Variants in TBC1D32 observed in about 807,000 individuals in gnomAD.
TBC1D32 encodes the protein protein broad-minded.
Under a neutral mutation model 170.3 loss-of-function variants are expected in TBC1D32, and 151 were observed. The ratio of observed to expected loss-of-function variants is 0.89; its 90% CI spans 0.78 to 1.01. The LOEUF (loss-of-function observed/expected upper bound fraction) is 1.01, where lower values mean the gene tolerates loss of function less well. TBC1D32 is among the 50% of genes least tolerant of loss of function. The pLI is 0.00. For synonymous variants in TBC1D32, 498 were observed against 488.0 expected, an observed-to-expected ratio of 1.02 and a Z score of -0.27; for missense variants, 1,464 against 1,457.1, an observed-to-expected ratio of 1.00 and a Z score of -0.08.
At chr6:121,320,229 G>A (rs1325679929) in intron 2 of TBC1D32, among the ~76,000 whole-genome samples, 1 of 142,042 alleles carries the variant, frequency 7.0e-6, no homozygotes, top group East Asian at 2.1e-4. Context: ...AAAAAAAACT[G>A]GGAAAAAAAA....
intron 22 of TBC1D32, among the ~76,000 whole-genome samples, chr6:121,196,164 C>T (rs1790709495): frequency 6.6e-6 from 1 of 152,182 alleles, no homozygotes. Flanking sequence ...TCTGTGGACA[C>T]CATTCAGCTT....
chr6:121,255,530 T>TAATTATA (rs1280529108), intron 16 of TBC1D32, 120 bp from the exon 17 acceptor site: 17 of 241,958 alleles, frequency 7.0e-5, no homozygotes, highest in Admixed American at 6.0e-5. Context: ...TTTATATTTC[T>TAATTATA]TACTGATAGC....
At chr6:121,223,118 G>A (rs142099747) in intron 21 of TBC1D32, 118 bp downstream of exon 21, 1 of 620,546 alleles carries the variant, frequency 1.6e-6, no homozygotes, top group Non-Finnish European at 2.8e-6. Flanking sequence ...AATCAAATCA[G>A]CCCTTAAATG....
intron 23 of TBC1D32, among the ~76,000 whole-genome samples, chr6:121,160,719 T>C (rs990278123): frequency 1.3e-5 from 2 of 152,212 alleles, no homozygotes; most frequent in African/African-American, 4.8e-5. Context: ...CCTACTCTAC[T>C]ACACATGCAA....
Position 121,328,606 on chromosome 6 carries a change from T to G in TBC1D32, c.155+5670A>C, listed in dbSNP as rs562613621. 2.3e-3 allele frequency among the ~76,000 whole-genome samples: 347 copies of G among 152,218 alleles called. 1 individual carries two copies. The highest frequency in any genetic ancestry group is 8.1e-3 in the African/African-American group (335 of 41,546). ...GCCTCTAGTTTTTTAAGATATAGTC[T>G]GTACAACGAATAAACAAGTTTATAA... On this transcript the variant is annotated intron_variant, in intron 1 of 31. Coordinates refer to ENST00000398212, the MANE Select transcript of TBC1D32 (RefSeq NM_152730.6).
chr6:121,216,598 G>A (rs1793855178), intron 21 of TBC1D32, among the ~76,000 whole-genome samples: 1 of 152,140 alleles, frequency 6.6e-6, no homozygotes, highest in South Asian at 2.1e-4. Context: ...CAAAATAAAT[G>A]CATTTGACAC....
chr6:121,271,988 C>T lies in TBC1D32; in HGVS notation c.1733+7133G>A, dbSNP rs1432567154. The stretch of plus-strand genomic sequence containing the variant: ...ACCATTTGATCTTTGAGAAACCTGA[C>T]AAAAACAAGAAATGGGGAAACGATT... On this transcript the variant is annotated intron_variant, in intron 15 of 31. Coordinates refer to ENST00000398212, the MANE Select transcript of TBC1D32 (RefSeq NM_152730.6). Among the ~76,000 whole-genome samples, 3 of 152,136 alleles carry T rather than the reference C, an allele frequency of 2.0e-5. No individual in the cohort carries two copies. In the East Asian group the frequency reaches 5.8e-4, roughly 29 times the overall value.
At chr6:121,295,143 A>T (rs1297479030) in intron 10 of TBC1D32, among the ~76,000 whole-genome samples, 2 of 152,032 alleles carry the variant, frequency 1.3e-5, no homozygotes, top group African/African-American at 4.8e-5. Flanking sequence ...ACAATAAAAA[A>T]TGATCTCCAA....
chr6:121,268,569 T>A (rs1040547414), intron 15 of TBC1D32, among the ~76,000 whole-genome samples: 3 of 152,018 alleles, frequency 2.0e-5, no homozygotes, highest in African/African-American at 7.3e-5. Context: ...AGAAAAGGAC[T>A]AAAAAGAAAT....
chr6:121,245,554 T>A (rs541090828), intron 17 of TBC1D32, among the ~76,000 whole-genome samples: 25 of 152,262 alleles, frequency 1.6e-4, no homozygotes, highest in African/African-American at 2.6e-4. Context: ...TACCTCTCTA[T>A]CCAATAGGCA....
intron 22 of TBC1D32, among the ~76,000 whole-genome samples, chr6:121,198,145 C>T (rs706860): frequency 0.12 from 16,971 of 145,540 alleles, 1,739 homozygotes; most frequent in Admixed American, 0.22. Flanking sequence ...TTAATAAACT[C>T]CCCTTTGTAG....
chr6:121,283,639 C>G (rs1803362460), intron 13 of TBC1D32, among the ~76,000 whole-genome samples, 179 bp downstream of exon 13: 1 of 151,866 alleles, frequency 6.6e-6, no homozygotes, highest in African/African-American at 2.4e-5. Context: ...CTTAAAACAT[C>G]AGTGAACAAA....
chr6:121,298,510 C>G (rs1453564802), intron 10 of TBC1D32, among the ~76,000 whole-genome samples: 1 of 151,966 alleles, frequency 6.6e-6, no homozygotes, highest in Non-Finnish European at 1.5e-5. Flanking sequence ...CAAGATCAGT[C>G]TATGCTCATA....
rs565316579 is a variant in TBC1D32 at position 121,274,265 on chromosome 6, G to A, written c.1733+4856C>T. 7.9e-5 allele frequency among the ~76,000 whole-genome samples: 12 copies of A among 151,884 alleles called. No homozygotes were observed. The South Asian group carries it at 1.3e-3, about 16-fold the overall frequency. ...AAAGAATTGCTTGAACCCAGGAGGCGGAGGTTGCAGTGAGCCAAGATCATG... is the reference window on the plus strand; with the variant it reads ...AAAGAATTGCTTGAACCCAGGAGGCAGAGGTTGCAGTGAGCCAAGATCATG... On this transcript the variant is annotated intron_variant, in intron 15 of 31. Transcript: ENST00000398212.
chr6:121,270,224 T>C (rs151086989), intron 15 of TBC1D32, among the ~76,000 whole-genome samples: 4,995 of 151,944 alleles, frequency 0.033, 196 homozygotes, highest in East Asian at 0.12. Context: ...AGAGCAAACA[T>C]ATTCAAAAGT....
At chr6:121,126,521 T>A in intron 25 of TBC1D32, 60 bp from the exon 26 acceptor site, 2 of 1,254,392 alleles carry the variant, frequency 1.6e-6, no homozygotes, top group Non-Finnish European at 2.3e-6. Context: ...TGACAATGCA[T>A]CCTTAAATCA....
intron 22 of TBC1D32, among the ~76,000 whole-genome samples, chr6:121,178,096 G>C (rs532931976): frequency 1.3e-5 from 2 of 152,272 alleles, no homozygotes; most frequent in South Asian, 2.1e-4. Context: ...GGAAATGCCA[G>C]ACACTTGTGA....
At chr6:121,096,957 T>C (rs192656167) in intron 30 of TBC1D32, among the ~76,000 whole-genome samples, 1 of 152,290 alleles carries the variant, frequency 6.6e-6, no homozygotes, top group Non-Finnish European at 1.5e-5. Context: ...AAGGATTCCC[T>C]ATTTAATAAA....
chr6:121,329,628 G>A (rs969466016), intron 1 of TBC1D32, among the ~76,000 whole-genome samples: 13 of 151,648 alleles, frequency 8.6e-5, no homozygotes, highest in Non-Finnish European at 1.3e-4. Context: ...CTCCAGCCTG[G>A]GGGACAAGAG....
Sources: allele counts gnomAD v4.1 joint callset (sites outside exome capture counted in the v4.1 genomes callset), GRCh38; gene constraint gnomAD v4.1.1; transcripts MANE v1.5; gene names NCBI Gene and HGNC (gene_info 2026-07-23, HGNC 2026-07-21).